COL8A1: variants seen among roughly 807,000 people sequenced by gnomAD.
COL8A1 encodes the protein collagen type VIII alpha 1 chain.
COL8A1 carries 21 observed loss-of-function variants against 42.7 expected under a neutral mutation model. The observed-to-expected ratio is 0.49, with a 90% CI of 0.35 to 0.71. The LOEUF (loss-of-function observed/expected upper bound fraction) is 0.71, where lower values mean the gene tolerates loss of function less well. COL8A1 is among the 30% of genes least tolerant of loss of function. The pLI is 0.01. For missense variants in COL8A1, 788 were observed against 962.4 expected, an observed-to-expected ratio of 0.82 and a Z score of 2.40; for synonymous variants, 367 against 369.1, an observed-to-expected ratio of 0.99 and a Z score of 0.06.
At chr3:99,722,903 A>G (rs539681659) in intron 1 of COL8A1, among the ~76,000 whole-genome samples, 1 of 152,204 alleles carries the variant, frequency 6.6e-6, no homozygotes, top group South Asian at 2.1e-4. Flanking sequence ...TTACCTGTTA[A>G]TATTTGTAGA....
chr3:99,678,755 ATGT>A (rs1163417073), intron 1 of COL8A1: 1 of 152,186 alleles, frequency 6.6e-6, no homozygotes, highest in Non-Finnish European at 1.5e-5. Context: ...ATAGTTACTA[ATGT>A]TGTTGAGGTG....
At chr3:99,654,933 G>A (rs1473537320) in intron 1 of COL8A1, among the ~76,000 whole-genome samples, 1 of 151,904 alleles carries the variant, frequency 6.6e-6, no homozygotes, top group African/African-American at 2.4e-5. Context: ...GTTTTGTTTG[G>A]TTAGGACTTC....
intron 1 of COL8A1, among the ~76,000 whole-genome samples, chr3:99,688,727 A>C (rs2107331797): frequency 6.6e-6 from 1 of 152,258 alleles, no homozygotes. Context: ...CAGCATTAAA[A>C]ATTTTGTTCA....
rs67004417 is a variant in COL8A1, at chr3:99,665,673, CTTT to C, written c.-129+27032_-129+27034del. Among the ~76,000 whole-genome samples, 138 of 70,242 alleles carry C rather than the reference CTTT, an allele frequency of 2.0e-3. 1 individual carries two copies. Among genetic ancestry groups the C allele is most frequent in the African/African-American group, 7.4e-3 (128 of 17,360 alleles). 46.1% of individuals were successfully genotyped at this position (70,242 alleles called of 152,430 possible). A position where few individuals can be genotyped will look rare whatever the true frequency, so the allele number is the denominator to read the frequency against. On this transcript the variant is annotated intron_variant, in intron 1 of 3. Transcript: ENST00000652472. ...ACAAAAAATACTTGTTGAATTAATT[CTTT>C]TTTTTTTTTTTTTTTTTTTTTTGAG...
chr3:99,684,780 A>G (rs1172320698), intron 1 of COL8A1, among the ~76,000 whole-genome samples: 1 of 152,218 alleles, frequency 6.6e-6, no homozygotes, highest in Admixed American at 6.5e-5. Context: ...AGTTGCCAAA[A>G]TTTAAAAAGG....
chr3:99,749,634 T>C (rs1941098932), intron 2 of COL8A1, among the ~76,000 whole-genome samples: 1 of 152,202 alleles, frequency 6.6e-6, no homozygotes, highest in East Asian at 1.9e-4. Flanking sequence ...TATGTTCCAA[T>C]AGAAATCTTT....
chr3:99,763,819 C>A lies in COL8A1; in HGVS notation c.-4+18798C>A, dbSNP rs149750014. Among the ~76,000 whole-genome samples the A allele has an allele frequency of 4.4e-3, 667 of 152,218 alleles. 4 individuals carry two copies. The highest frequency in any genetic ancestry group is 0.015 in the African/African-American group (627 of 41,508). ...TACTCTGCCGTGATTCCCCAAGTAA[C>A]CATGCATTTGACCCCAGTAGTTGGA... On this transcript the variant is annotated intron_variant, in intron 2 of 3. Transcript: ENST00000652472.
In COL8A1 at chr3:99,794,406, C is replaced by G; in HGVS notation, c.505C>G (p.Pro169Ala). 1 of 1,614,000 alleles carries G rather than the reference C, an allele frequency of 6.2e-7. No homozygotes were observed. Among genetic ancestry groups the G allele is most frequent in the South Asian group, 1.1e-5 (1 of 91,068 alleles). The change falls in exon 4 of 4, where the codon CCA (proline) becomes GCA (alanine). Residue 169 changes from proline (P) to alanine (A), a missense_variant. By Grantham distance (27) the Pro-to-Ala change is conservative (BLOSUM62 -1). This residue lies in a region of COL8A1 where 421 missense variants were observed against 553.1 expected (regional missense o/e 0.76). Coordinates refer to ENST00000652472, the MANE Select transcript of COL8A1 (RefSeq NM_020351.4). The surrounding 1 kb of genome is among the most constrained non-coding windows in gnomAD (Gnocchi z 4.3). ...AGGTATGCCTGGAATGCCAGGGAAG[C>G]CAGGAGCCATGGGCATGCCTGGGGC... ...KPGMPGMPGK[P>A]GAMGMPGAKG...
In COL8A1 at chr3:99,797,801, C is replaced by T. The variant is rs1201353085; in HGVS notation, c.*1665C>T. The T allele has an allele frequency of 6.6e-6, 1 of 152,164 alleles. No homozygotes were observed. The highest frequency in any genetic ancestry group is 2.4e-5 in the African/African-American group (1 of 41,422). The allele number at this position is 152,164 out of a possible 1,614,324, so 9.4% of individuals were successfully genotyped here. On this transcript the variant is annotated 3_prime_UTR_variant, in exon 4 of 4. Transcript: ENST00000652472. Reference sequence around the variant, plus strand: ...CAACAAGAGCCTGTGTTTTTAATGTCATCCTGTACTCGGCACAAATCAAAG... The same window carrying T: ...CAACAAGAGCCTGTGTTTTTAATGTTATCCTGTACTCGGCACAAATCAAAG...
At chr3:99,756,947 T>C (rs779510604) in intron 2 of COL8A1, among the ~76,000 whole-genome samples, 3 of 152,240 alleles carry the variant, frequency 2.0e-5, no homozygotes, top group Non-Finnish European at 4.4e-5. Flanking sequence ...TTACAGAGAA[T>C]GCTCCTTTTA....
intron 2 of COL8A1, among the ~76,000 whole-genome samples, chr3:99,774,096 T>C (rs957781544): frequency 6.6e-6 from 1 of 150,730 alleles, no homozygotes. Context: ...CCACCTGCCT[T>C]GGCCTCCCAA....
At chr3:99,732,987 G>A (rs1940565371) in intron 1 of COL8A1, among the ~76,000 whole-genome samples, 1 of 152,038 alleles carries the variant, frequency 6.6e-6, no homozygotes, top group Non-Finnish European at 1.5e-5. Flanking sequence ...AAATATTAAA[G>A]CTCCAGAATG....
At chr3:99,739,620 A>G (rs1322605022) in intron 1 of COL8A1, among the ~76,000 whole-genome samples, 4 of 152,220 alleles carry the variant, frequency 2.6e-5, no homozygotes, top group Non-Finnish European at 4.4e-5. Flanking sequence ...CACCCTCTGA[A>G]GCCACGGCCC....
chr3:99,793,744 C>T (rs1352593138), intron 3 of COL8A1, among the ~76,000 whole-genome samples: 2 of 152,012 alleles, frequency 1.3e-5, no homozygotes, highest in Non-Finnish European at 2.9e-5. Flanking sequence ...ATTTTTCTTT[C>T]TTATTTATTT....
intron 1 of COL8A1, among the ~76,000 whole-genome samples, chr3:99,741,236 G>C (rs1940890260): frequency 6.6e-6 from 1 of 151,666 alleles, no homozygotes; most frequent in African/African-American, 2.4e-5. Context: ...ATCTTCTTTT[G>C]TAAATTTAAT....
intron 1 of COL8A1, among the ~76,000 whole-genome samples, chr3:99,744,501 T>C (rs1479824249): frequency 6.6e-6 from 1 of 152,228 alleles, no homozygotes; most frequent in Non-Finnish European, 1.5e-5. Context: ...ACTCAAATAC[T>C]GCTATATGTA....
At chr3:99,668,480 T>C (rs1007840278) in intron 1 of COL8A1, among the ~76,000 whole-genome samples, 2 of 152,120 alleles carry the variant, frequency 1.3e-5, no homozygotes, top group Admixed American at 1.3e-4. Context: ...TATACCAGAC[T>C]TAAAAAGAAT....
At chr3:99,725,977 G>A (rs895210735) in intron 1 of COL8A1, among the ~76,000 whole-genome samples, 2 of 152,112 alleles carry the variant, frequency 1.3e-5, no homozygotes, top group Non-Finnish European at 2.9e-5. Flanking sequence ...CTAGATCCTT[G>A]AGGAATCGCC....
intron 1 of COL8A1, among the ~76,000 whole-genome samples, chr3:99,697,075 C>T (rs866910685): frequency 1.4e-5 from 2 of 147,886 alleles, no homozygotes; most frequent in Non-Finnish European, 1.5e-5. Flanking sequence ...CAAGCTCCGC[C>T]TCCCGGGTTC....
Sources: gnomAD v4.1 joint callset for allele counts (sites outside exome capture counted in the v4.1 genomes callset) on GRCh38, gnomAD v4.1.1 for gene constraint, gnomAD v4.1.1 regional missense constraint, Gnocchi (gnomAD v3.1) non-coding constraint, MANE v1.5 for transcripts, NCBI Gene and HGNC (gene_info 2026-07-23, HGNC 2026-07-21) for gene names.